CDC25B: variants seen among roughly 807,000 people sequenced by gnomAD.
CDC25B encodes cell division cycle 25B.
Under a neutral mutation model 69.8 loss-of-function variants are expected in CDC25B, and 33 were observed. The observed-to-expected ratio is 0.47, with a 90% CI of 0.36 to 0.63. CDC25B has a LOEUF of 0.63. Ranked by LOEUF, CDC25B falls within the 30% of genes least tolerant of loss-of-function variation. The pLI is 0.00. For missense variants in CDC25B, 727 were observed against 809.1 expected (o/e 0.90, Z 1.23); for synonymous variants, 341 against 314.6 (o/e 1.08, Z -0.89).
At position 3,805,219 on chromosome 20, in the gene CDC25B, G is replaced by A. The variant is rs2089438052; in HGVS notation, c.*258G>A. The A allele has an allele frequency of 3.9e-6, 2 of 516,748 alleles. No individual in the cohort carries two copies. Among genetic ancestry groups the A allele is most frequent in the African/African-American group, 1.9e-5 (1 of 52,642 alleles). The allele number at this position is 516,748 out of a possible 1,614,324, so 32.0% of individuals were successfully genotyped here. A position where few individuals can be genotyped will look rare whatever the true frequency, so the allele number is the denominator to read the frequency against. On this transcript the variant is annotated 3_prime_UTR_variant, in exon 16 of 16. Coordinates refer to ENST00000245960, the MANE Select transcript of CDC25B (RefSeq NM_021873.4). ...TTGGGTTAATACCAGCTTAAAGGCA[G>A]TATTTTGTGTCCTCCAGGAGCTTCT... is the stretch of plus-strand genomic sequence containing the variant.
chr20:3,802,920 TACA>T lies in CDC25B; in HGVS notation c.1206_1208del (p.Gln403del). The T allele has an allele frequency of 6.2e-7, 1 of 1,613,910 alleles. No homozygotes were observed. The highest frequency in any genetic ancestry group is 8.5e-7 in the Non-Finnish European group (1 of 1,179,788). ...TTCCGTTCCCTTCAGGCCTTCCTCC[TACA>T]GACAGTAGACGGAAAGCACCAAGAC... On this transcript the variant is annotated inframe_deletion, in exon 12 of 16. Transcript: ENST00000245960.
chr20:3,803,027 G>C lies in CDC25B; in HGVS notation c.1257+55G>C, dbSNP rs183328329. On this transcript the variant is annotated intron_variant, in intron 12 of 15. Coordinates refer to ENST00000245960, the MANE Select transcript of CDC25B (RefSeq NM_021873.4). This position sits in a 1 kb window ranked among gnomAD's most constrained non-coding sequence, Gnocchi z 4.9. ...GATTTGGGACTGTAGCTCCATTGTT[G>C]ACCTTCCCTGGGGACAGGCTAGGGC... 282 of 1,599,986 alleles carry C rather than the reference G, an allele frequency of 1.8e-4. 1 individual carries two copies. The East Asian group carries it at 6.1e-3, about 35-fold the overall frequency.
rs560388439 is a variant in CDC25B, at chr20:3,787,909, C to T, written c.8+770C>T. On this transcript the variant is annotated intron_variant, in intron 1 of 15. Transcript: ENST00000344256. ...CAGCACTTTAGGAGGCCGAAGCAGG[C>T]GGGACCACTTGAGATCAGGAGTTCA... 3.3e-5 allele frequency among the ~76,000 whole-genome samples: 5 copies of T among 152,154 alleles called. No individual in the cohort carries two copies. In the East Asian group the frequency reaches 7.7e-4, roughly 24 times the overall value.
chr20:3,791,615 A>C (rs1249840398), upstream of CDC25B, among the ~76,000 whole-genome samples: 2 of 152,090 alleles, frequency 1.3e-5, no homozygotes, highest in African/African-American at 4.8e-5. Flanking sequence ...CTCAGGAGAC[A>C]GATGTTGCAG....
Position 3,804,930 on chromosome 20 carries a change from G to C in CDC25B, c.1712G>C (p.Arg571Pro). The C allele has an allele frequency of 6.2e-7, 1 of 1,613,478 alleles. No homozygotes were observed. The highest frequency in any genetic ancestry group is 8.5e-7 in the Non-Finnish European group (1 of 1,180,012). ...AGCTGGGCTGGGGAGCGGAGCCGGC[G>C]GGAGCTCTGTAGCCGGCTGCAGGAC... ...TRSWAGERSR[R>P]ELCSRLQDQ Residue 571 changes from arginine (R) to proline (P), a missense_variant, in exon 16 of 16, where the codon CGG becomes CCG. This residue lies in a region of CDC25B where 359 missense variants were observed against 463.4 expected (regional missense o/e 0.77). Coordinates refer to ENST00000245960, the MANE Select transcript of CDC25B (RefSeq NM_021873.4).
At chr20:3,800,647 A>AGG in intron 5 of CDC25B, 96 bp from the exon 6 acceptor site, 1 of 1,590,914 alleles carries the variant, frequency 6.3e-7, no homozygotes. Context: ...GGTAAGTGGG[A>AGG]GGAGCTGGAG....
At chr20:3,801,556 G>C in intron 8 of CDC25B, 166 bp from the exon 9 acceptor site, 1 of 1,077,724 alleles carries the variant, frequency 9.3e-7, no homozygotes, top group South Asian at 1.6e-5. Context: ...AGAAGAACAG[G>C]TGGCTGGTGC....
chr20:3,790,858 C>T (rs1371169017), intron 1 of CDC25B, among the ~76,000 whole-genome samples: 1 of 151,876 alleles, frequency 6.6e-6, no homozygotes, highest in Non-Finnish European at 1.5e-5. Context: ...GCGTGAGCCA[C>T]CGCACCTGGC....
At position 3,798,455 on chromosome 20, in the gene CDC25B, G is replaced by A. The variant is rs148241851; in HGVS notation, c.372G>A (p.Ala124=). 1.5e-5 allele frequency: 24 copies of A among 1,597,510 alleles called. No homozygotes were observed. In the African/African-American group the frequency reaches 1.9e-4, roughly 13 times the overall value. ...CCAGCCCTATGGACCCCCACATGGC[G>A]GAGCAGACGTGAGTAGAGAAGGGAA... ...DSPSPMDPHM[A]EQTFEQAIQA... The change falls in exon 3 of 16, where the codon GCG becomes GCA. Residue 124 remains alanine, a synonymous_variant. Transcript: ENST00000245960.
In CDC25B at chr20:3,797,755, G is replaced by T. The variant is rs372207410; in HGVS notation, c.328+6G>T. 75 of 1,613,492 alleles carry T rather than the reference G, an allele frequency of 4.6e-5. 1 individual carries two copies. Among genetic ancestry groups the T allele is most frequent in the Non-Finnish European group, 6.3e-5 (74 of 1,180,018 alleles). On this transcript the variant is annotated splice_donor_region_variant and intron_variant, in intron 2 of 15. Transcript: ENST00000245960. Reference sequence around the variant, plus strand: ...CTCCGAATCTTCTGATGCAGGTGAGGCCCAGGGGAGCCTGGGGAGATCTGC... The same window carrying T: ...CTCCGAATCTTCTGATGCAGGTGAGTCCCAGGGGAGCCTGGGGAGATCTGC...
upstream of CDC25B, among the ~76,000 whole-genome samples, chr20:3,793,355 G>T (rs532988895): frequency 1.3e-5 from 2 of 151,682 alleles, no homozygotes; most frequent in South Asian, 4.2e-4. Flanking sequence ...TACTCGAGAG[G>T]CTGAGGCAGG....
Position 3,796,619 on chromosome 20 carries a change from C to T in CDC25B, c.88C>T (p.Pro30Ser). The T allele has an allele frequency of 1.4e-6, 2 of 1,448,440 alleles. No homozygotes were observed. Among genetic ancestry groups the T allele is most frequent in the Non-Finnish European group, 1.8e-6 (2 of 1,105,058 alleles). The allele number at this position is 1,448,440 out of a possible 1,614,324, so 89.7% of individuals were successfully genotyped here. The change falls in exon 1 of 16, where the codon CCG (proline) becomes TCG (serine). Residue 30 changes from proline to serine, a missense_variant. By Grantham distance (74) the Pro-to-Ser change is moderately conservative. Coordinates refer to ENST00000245960, the MANE Select transcript of CDC25B (RefSeq NM_021873.4). The stretch of plus-strand genomic sequence containing the variant: ...TGGCGCCCAGCGTCCGGGCCACCTC[C>T]CGGGCCTCCTGCTGGGATCTCATGG... Reference protein sequence around the residue: ...CGGAQRPGHLPGLLLGSHGLL... With the variant: ...CGGAQRPGHLSGLLLGSHGLL...
At chr20:3,802,646 C>T (rs1441901127) in intron 11 of CDC25B, 1 of 600,608 alleles carries the variant, frequency 1.7e-6, no homozygotes, top group Non-Finnish European at 3.0e-6. Flanking sequence ...CATGCCTCAC[C>T]TTCGGGCTTG....
chr20:3,790,652 C>T (rs1478213874), intron 1 of CDC25B, among the ~76,000 whole-genome samples: 1 of 151,952 alleles, frequency 6.6e-6, no homozygotes, highest in Non-Finnish European at 1.5e-5. Context: ...CTCACTGCAA[C>T]CTCTGCCTCG....
chr20:3,795,368 A>C (rs377467761), upstream of CDC25B, among the ~76,000 whole-genome samples: 2 of 86,102 alleles, frequency 2.3e-5, no homozygotes, highest in Non-Finnish European at 4.8e-5. Flanking sequence ...CAAAAAAAAC[A>C]AAACAAAACA....
At chr20:3,797,589 T>C (rs748386649) in intron 1 of CDC25B, 33 bp from the exon 2 acceptor site, 27 of 1,612,822 alleles carry the variant, frequency 1.7e-5, no homozygotes, top group Non-Finnish European at 2.1e-5. Context: ...ACGTTTACCT[T>C]TCTCCTTTCC....
At chr20:3,796,959 A>G (rs918840167) in intron 1 of CDC25B, among the ~76,000 whole-genome samples, 11 of 152,038 alleles carry the variant, frequency 7.2e-5, no homozygotes, top group African/African-American at 2.4e-4. Flanking sequence ...AGTCTGCACA[A>G]GCCTCTCCAA....
chr20:3,803,673 G>A lies in CDC25B; in HGVS notation c.1490+136G>A. On this transcript the variant is annotated intron_variant, in intron 14 of 15. Coordinates refer to ENST00000245960, the MANE Select transcript of CDC25B (RefSeq NM_021873.4). This position sits in a 1 kb window ranked among gnomAD's most constrained non-coding sequence, Gnocchi z 4.9. ...CTGTCCCATCTGATGGCCTAGAGCT[G>A]ACCTCAGCCCCACTTCACTGTGCAT... 9.2e-7 allele frequency: 1 copy of A among 1,087,258 alleles called. No homozygotes were observed. Among genetic ancestry groups the A allele is most frequent in the South Asian group, 1.5e-5 (1 of 68,548 alleles). The allele number at this position is 1,087,258 out of a possible 1,614,324, so 67.4% of individuals were successfully genotyped here.
Position 3,805,168 on chromosome 20 carries a change from G to T in CDC25B, c.*207G>T. ...ATCCTGGTGCCCCCCACCCCTGGAA[G>T]AGCCCAGTCTGTTGAGTTAGTTAAG... On this transcript the variant is annotated 3_prime_UTR_variant, in exon 16 of 16. Coordinates refer to ENST00000245960, the MANE Select transcript of CDC25B (RefSeq NM_021873.4). The T allele has an allele frequency of 1.7e-6, 1 of 597,202 alleles. No individual in the cohort carries two copies. The highest frequency in any genetic ancestry group is 1.9e-5 in the African/African-American group (1 of 53,984). 37.0% of individuals were successfully genotyped at this position (597,202 alleles called of 1,614,324 possible).
Sources: gnomAD v4.1 joint callset for allele counts (sites outside exome capture counted in the v4.1 genomes callset) on GRCh38, gnomAD v4.1.1 for gene constraint, gnomAD v4.1.1 regional missense constraint, Gnocchi (gnomAD v3.1) non-coding constraint, MANE v1.5 for transcripts, NCBI Gene and HGNC (gene_info 2026-07-23, HGNC 2026-07-21) for gene names.